The following RASA3 variants were observed in gnomAD, a reference collection of about 807,000 sequenced individuals.
The protein encoded by RASA3 is RAS p21 protein activator 3.
RASA3 carries 73 observed loss-of-function variants against 110.0 expected under a neutral mutation model. The observed-to-expected ratio is 0.66, with a 90% CI of 0.55 to 0.81. The LOEUF (loss-of-function observed/expected upper bound fraction) is 0.81, where lower values mean the gene tolerates loss of function less well. RASA3 is among the 30% of genes least tolerant of loss of function. The probability of loss-of-function intolerance (pLI) is 0.00; values close to 1 mark genes in which losing one functional copy is unlikely to be tolerated. For synonymous variants in RASA3, 500 were observed against 451.4 expected, an observed-to-expected ratio of 1.11 and a Z score of -1.37; for missense variants, 976 against 1,113.2, an observed-to-expected ratio of 0.88 and a Z score of 1.75.
chr13:114,043,696 G>C (rs556344213), intron 3 of RASA3, among the ~76,000 whole-genome samples: 1 of 152,068 alleles, frequency 6.6e-6, no homozygotes, highest in African/African-American at 2.4e-5. Flanking sequence ...CCCAGCACAT[G>C]TGGGAGAAGG....
At chr13:114,036,544 CTTCTT>C (rs1192044049) in intron 4 of RASA3, among the ~76,000 whole-genome samples, 1 of 151,978 alleles carries the variant, frequency 6.6e-6, no homozygotes, top group African/African-American at 2.4e-5. Flanking sequence ...TCTTCTTCTT[CTTCTT>C]TTTTTGAGAT....
chr13:114,094,650 T>C (rs2079922562), intron 1 of RASA3, among the ~76,000 whole-genome samples: 1 of 152,258 alleles, frequency 6.6e-6, no homozygotes, highest in African/African-American at 2.4e-5. Context: ...AGAGGCAACA[T>C]TGGCAAATGT....
intron 1 of RASA3, among the ~76,000 whole-genome samples, chr13:114,120,523 C>G (rs1405305409): frequency 1.3e-5 from 1 of 76,200 alleles, no homozygotes; most frequent in Non-Finnish European, 3.0e-5. Context: ...TCCAGCCAGA[C>G]GTCGGTCAGG....
At chr13:114,034,663 C>T (rs1169314385) in intron 4 of RASA3, among the ~76,000 whole-genome samples, 2 of 152,260 alleles carry the variant, frequency 1.3e-5, no homozygotes, top group Non-Finnish European at 2.9e-5. Context: ...ATGAGTAAAT[C>T]TGCAGGTGCT....
chr13:114,116,492 A>C (rs2080277252), intron 1 of RASA3, among the ~76,000 whole-genome samples: 1 of 141,016 alleles, frequency 7.1e-6, no homozygotes. Context: ...AGCCATTAAA[A>C]CGTGAGGGAA....
chr13:114,043,223 G>A (rs2054453435), intron 3 of RASA3, among the ~76,000 whole-genome samples: 1 of 152,202 alleles, frequency 6.6e-6, no homozygotes, highest in Non-Finnish European at 1.5e-5. Context: ...GCACCACATG[G>A]CCACAGGACA....
In RASA3 at chr13:114,024,308, CTCAAAG is replaced by C. The variant is rs770528739; in HGVS notation, c.645_650del (p.Asp215_Phe216del). 1.4e-5 allele frequency: 23 copies of C among 1,613,932 alleles called. No homozygotes were observed. The highest frequency in any genetic ancestry group is 5.3e-5 in the African/African-American group (4 of 74,952). On this transcript the variant is annotated inframe_deletion, in exon 8 of 24. Transcript: ENST00000334062. ...TTTCGAGCTTGTCCACGTCTTCCTC[CTCAAAG>C]TCAAAGTGGGACTTCTTGCTGTAGC...
intron 21 of RASA3, among the ~76,000 whole-genome samples, chr13:113,994,188 T>TA (rs891863972): frequency 2.0e-5 from 3 of 152,140 alleles, no homozygotes; most frequent in Non-Finnish European, 4.4e-5. Flanking sequence ...ACTTCTCTTG[T>TA]AAAAAAAGAA....
chr13:114,072,279 G>C (rs1439917090), intron 2 of RASA3, among the ~76,000 whole-genome samples: 1 of 152,174 alleles, frequency 6.6e-6, no homozygotes, highest in Non-Finnish European at 1.5e-5. Context: ...TGGCCACTTA[G>C]CTGGAGCTTT....
chr13:114,007,646 A>G lies in RASA3; in HGVS notation c.1669-40T>C, dbSNP rs769136288. The G allele has an allele frequency of 1.1e-4, 161 of 1,517,378 alleles. 1 individual carries two copies. In the South Asian group the frequency reaches 1.1e-3, roughly 10 times the overall value. 94.0% of individuals were successfully genotyped at this position (1,517,378 alleles called of 1,614,324 possible). The stretch of plus-strand genomic sequence containing the variant: ...AATCAGGTCACCGGGAGGAAGCCAC[A>G]CATCTGACGTGCACGGCTCTCTGTA... On this transcript the variant is annotated intron_variant, in intron 17 of 23. Coordinates refer to ENST00000334062, the MANE Select transcript of RASA3 (RefSeq NM_007368.4).
At chr13:113,982,221 G>A (rs1050546368) in intron 22 of RASA3, among the ~76,000 whole-genome samples, 20 of 152,354 alleles carry the variant, frequency 1.3e-4, no homozygotes, top group Admixed American at 9.8e-4. Context: ...ACCAGGAGGA[G>A]AGACACCTGC....
chr13:114,073,428 G>A (rs35714320), intron 2 of RASA3, among the ~76,000 whole-genome samples: 17 of 132,950 alleles, frequency 1.3e-4, no homozygotes, highest in South Asian at 2.7e-4. Flanking sequence ...CATTGTCTAC[G>A]CACAGAAAAA....
chr13:114,028,002 G>T, intron 5 of RASA3, 75 bp from the exon 6 acceptor site: 1 of 1,297,018 alleles, frequency 7.7e-7, no homozygotes, highest in Non-Finnish European at 1.1e-6. Context: ...CTCTGGGTCA[G>T]GCAGGAGGCC....
At chr13:114,064,359 G>A (rs1031662881) in intron 2 of RASA3, among the ~76,000 whole-genome samples, 1 of 152,168 alleles carries the variant, frequency 6.6e-6, no homozygotes. Flanking sequence ...TGGAGGCCAC[G>A]CGGAGTCTGA....
chr13:114,102,386 G>A (rs1405847498), intron 1 of RASA3, among the ~76,000 whole-genome samples: 3 of 152,014 alleles, frequency 2.0e-5, no homozygotes, highest in Admixed American at 1.3e-4. Context: ...GAAGAGAGAC[G>A]GAGACAGAGA....
rs370105510 is a variant in RASA3 at position 114,012,705 on chromosome 13, CCA to C, written c.1512+435_1512+436del. Among the ~76,000 whole-genome samples, 468 of 141,062 alleles carry C rather than the reference CCA, an allele frequency of 3.3e-3. 8 individuals are homozygous for C. Among genetic ancestry groups the C allele is most frequent in the African/African-American group, 0.012 (452 of 36,228 alleles). 92.5% of individuals were successfully genotyped at this position (141,062 alleles called of 152,430 possible). On this transcript the variant is annotated intron_variant, in intron 15 of 23. Coordinates refer to ENST00000334062, the MANE Select transcript of RASA3 (RefSeq NM_007368.4). ...CCACGCACTCCACACACTCCTCATT[CCA>C]CACACACTCCCCATTCCACACACAC...
rs150039166 is a variant in RASA3, at chr13:114,056,665, G to A, written c.174-4510C>T. Reference sequence around the variant, plus strand: ...CTTCTGGTGGTGCTGACAGCTGTCCGTGGAAATTGAGGTGCTTAAAATTCA... The same window carrying A: ...CTTCTGGTGGTGCTGACAGCTGTCCATGGAAATTGAGGTGCTTAAAATTCA... On this transcript the variant is annotated intron_variant, in intron 2 of 23. Coordinates refer to ENST00000334062, the MANE Select transcript of RASA3 (RefSeq NM_007368.4). The surrounding 1 kb of genome is among the most constrained non-coding windows in gnomAD (Gnocchi z 5.7). The A allele has an allele frequency of 1.6e-3, 1,573 of 985,236 alleles. 7 individuals carry two copies. The African/African-American group carries it at 0.017, about 11-fold the overall frequency. 61.0% of individuals were successfully genotyped at this position (985,236 alleles called of 1,614,324 possible).
intron 3 of RASA3, among the ~76,000 whole-genome samples, chr13:114,042,780 C>T (rs2139480637): frequency 6.6e-6 from 1 of 152,362 alleles, no homozygotes; most frequent in South Asian, 2.1e-4. Flanking sequence ...CATGCTTGGG[C>T]CTGATTCTCT....
intron 1 of RASA3, among the ~76,000 whole-genome samples, chr13:114,079,920 G>A (rs1382480825): frequency 6.6e-6 from 1 of 152,192 alleles, no homozygotes; most frequent in Non-Finnish European, 1.5e-5. Context: ...GAAGAGGCGG[G>A]GGGGCCCCGA....
Sources: allele counts gnomAD v4.1 joint callset (sites outside exome capture counted in the v4.1 genomes callset), GRCh38; gene constraint gnomAD v4.1.1; non-coding constraint Gnocchi (gnomAD v3.1); transcripts MANE v1.5; gene names NCBI Gene and HGNC (gene_info 2026-07-23, HGNC 2026-07-21).